The following CDC73 variants were observed in gnomAD, a reference collection of about 807,000 sequenced individuals.
CDC73 encodes the protein parafibromin.
A neutral mutation model predicts 83.7 loss-of-function variants in CDC73; 21 were observed. The ratio of observed to expected loss-of-function variants is 0.25; its 90% confidence interval spans 0.18 to 0.36. The LOEUF (loss-of-function observed/expected upper bound fraction) is 0.36, where lower values mean the gene tolerates loss of function less well. Ranked by LOEUF, CDC73 falls within the 10% of genes least tolerant of loss-of-function variation. The probability of loss-of-function intolerance (pLI) is 1.00; values close to 1 mark genes in which losing one functional copy is unlikely to be tolerated. For synonymous variants in CDC73, 224 were observed against 212.9 expected (o/e 1.05, Z -0.45); for missense variants, 342 against 653.3 (o/e 0.52, Z 5.19).
At chr1:193,126,003 GTAATCC>G (rs1478013117) in intron 2 of CDC73, among the ~76,000 whole-genome samples, 3 of 152,108 alleles carry the variant, frequency 2.0e-5, no homozygotes, top group African/African-American at 4.8e-5. Context: ...GTGCACGCTG[GTAATCC>G]CAGCTACTTG....
At chr1:193,221,687 A>T (rs1434567335) in intron 13 of CDC73, among the ~76,000 whole-genome samples, 1 of 152,230 alleles carries the variant, frequency 6.6e-6, no homozygotes. Context: ...TCACAAAGTA[A>T]ATTTTAGTGT....
intron 11 of CDC73, among the ~76,000 whole-genome samples, chr1:193,204,542 G>A (rs1208881750): frequency 3.9e-5 from 6 of 152,012 alleles, no homozygotes; most frequent in African/African-American, 1.4e-4. Context: ...GCCCGCCTCG[G>A]CCTCCCAAAG....
chr1:193,187,746 C>G (rs997789222), intron 10 of CDC73, among the ~76,000 whole-genome samples: 2 of 151,986 alleles, frequency 1.3e-5, no homozygotes, highest in African/African-American at 4.8e-5. Context: ...AAAATTTTGT[C>G]CACATATTTT....
intron 13 of CDC73, among the ~76,000 whole-genome samples, chr1:193,228,568 G>C (rs1677603671): frequency 6.6e-6 from 1 of 152,120 alleles, no homozygotes; most frequent in Non-Finnish European, 1.5e-5. Context: ...ATTCAATTAA[G>C]AAACAAATGC....
chr1:193,183,743 AG>A (rs1156619258), intron 10 of CDC73, among the ~76,000 whole-genome samples: 8 of 151,894 alleles, frequency 5.3e-5, no homozygotes, highest in African/African-American at 1.9e-4. Flanking sequence ...AAGAAACAAA[AG>A]TTGCTTTTAA....
intron 13 of CDC73, among the ~76,000 whole-genome samples, chr1:193,227,316 C>T (rs539340364): frequency 4.0e-5 from 6 of 151,814 alleles, no homozygotes; most frequent in Non-Finnish European, 5.9e-5. Flanking sequence ...TATATCTGAG[C>T]GATTGGCTTT....
chr1:193,150,036 C>T (rs1232408057), intron 8 of CDC73, among the ~76,000 whole-genome samples: 1 of 151,742 alleles, frequency 6.6e-6, no homozygotes, highest in African/African-American at 2.4e-5. Context: ...TAGCACTTTG[C>T]GAGACTGAGG....
chr1:193,203,898 A>G (rs72740231), intron 11 of CDC73, 46 bp downstream of exon 11: 61 of 1,520,978 alleles, frequency 4.0e-5, no homozygotes, highest in Non-Finnish European at 5.5e-5. Context: ...AAAAGATCGT[A>G]ACAGTGCAAG....
At chr1:193,210,277 A>G (rs1677254867) in intron 11 of CDC73, among the ~76,000 whole-genome samples, 1 of 152,208 alleles carries the variant, frequency 6.6e-6, no homozygotes, top group South Asian at 2.1e-4. Flanking sequence ...GTGAAAATGT[A>G]GCATTTTGTT....
intron 10 of CDC73, among the ~76,000 whole-genome samples, chr1:193,182,299 T>A (rs756981922): frequency 6.6e-6 from 1 of 152,310 alleles, no homozygotes; most frequent in South Asian, 2.1e-4. Flanking sequence ...GTAGGATTTT[T>A]AGACAGTAAT....
At chr1:193,248,437 A>G (rs574512200) in intron 15 of CDC73, among the ~76,000 whole-genome samples, 10 of 152,236 alleles carry the variant, frequency 6.6e-5, no homozygotes, top group East Asian at 3.9e-4. Flanking sequence ...TAACACATCT[A>G]TTCCTCAGCC....
chr1:193,136,224 C>T (rs1675797567), intron 5 of CDC73, among the ~76,000 whole-genome samples: 1 of 152,106 alleles, frequency 6.6e-6, no homozygotes, highest in Non-Finnish European at 1.5e-5. Flanking sequence ...ACAGATGTGG[C>T]TATGTTTCTA....
intron 3 of CDC73, among the ~76,000 whole-genome samples, chr1:193,131,675 C>G (rs1178487231): frequency 1.3e-5 from 2 of 152,170 alleles, no homozygotes; most frequent in East Asian, 3.9e-4. Context: ...GGTCTTTTAG[C>G]TATGCTAATC....
At chr1:193,138,266 T>TAA in intron 6 of CDC73, 93 bp downstream of exon 6, 1 of 870,068 alleles carries the variant, frequency 1.1e-6, no homozygotes, top group South Asian at 1.3e-5. Flanking sequence ...CATTTACATT[T>TAA]ACCTCTTGGA....
At chr1:193,157,548 G>C (rs761862034) in intron 10 of CDC73, among the ~76,000 whole-genome samples, 29 of 152,214 alleles carry the variant, frequency 1.9e-4, no homozygotes, top group Non-Finnish European at 3.5e-4. Context: ...ACTGCGTACT[G>C]GGTCTGTAGT....
At chr1:193,183,428 AT>A (rs932981477) in intron 10 of CDC73, among the ~76,000 whole-genome samples, 7 of 147,758 alleles carry the variant, frequency 4.7e-5, no homozygotes, top group Non-Finnish European at 1.0e-4. Context: ...CTAGTATGCT[AT>A]TTGTTAGAAT....
At chr1:193,246,364 C>A (rs1677953560) in intron 15 of CDC73, among the ~76,000 whole-genome samples, 2 of 152,012 alleles carry the variant, frequency 1.3e-5, no homozygotes, top group South Asian at 4.1e-4. Context: ...TTATTGAAGA[C>A]TGTCTTTTCC....
Position 193,204,245 on chromosome 1 carries a change from ATATGTG to A in CDC73, c.1030+401_1030+406del, listed in dbSNP as rs1201463659. Among the ~76,000 whole-genome samples the A allele has an allele frequency of 4.4e-5, 6 of 135,544 alleles. No homozygotes were observed. The East Asian group carries it at 8.5e-4, about 19-fold the overall frequency. The allele number at this position is 135,544 out of a possible 152,430, so 88.9% of individuals were successfully genotyped here. On this transcript the variant is annotated intron_variant, in intron 11 of 16. Transcript: ENST00000367435. ...TATATATGTATATATACACGTATAT[ATATGTG>A]TATGTGTGTGTGTGTGTGTGTGTGT...
chr1:193,170,301 G>A (rs887595970), intron 10 of CDC73, among the ~76,000 whole-genome samples: 1 of 152,176 alleles, frequency 6.6e-6, no homozygotes, highest in Non-Finnish European at 1.5e-5. Flanking sequence ...ATTCCTTTGA[G>A]TATATAACCA....
Sources: gnomAD v4.1 joint callset for allele counts (sites outside exome capture counted in the v4.1 genomes callset) on GRCh38, gnomAD v4.1.1 for gene constraint, MANE v1.5 for transcripts, NCBI Gene and HGNC (gene_info 2026-07-23, HGNC 2026-07-21) for gene names.